The following SCMH1 variants were observed in gnomAD, a reference collection of about 807,000 sequenced individuals.
The protein encoded by SCMH1 is polycomb protein SCMH1.
A neutral mutation model predicts 70.8 loss-of-function variants in SCMH1; 37 were observed. That is an observed-to-expected ratio of 0.52 (90% confidence interval 0.40 to 0.69). The LOEUF (loss-of-function observed/expected upper bound fraction) is 0.69, where lower values mean the gene tolerates loss of function less well. Among genes scored for constraint, SCMH1 ranks in the 30% least tolerant of loss-of-function variants. SCMH1 has a pLI of 0.00. For synonymous variants in SCMH1, 292 were observed against 307.4 expected (o/e 0.95, Z 0.52); for missense variants, 607 against 827.3 (o/e 0.73, Z 3.27).
chr1:41,234,763 C>A (rs1300967606), intron 1 of SCMH1, among the ~76,000 whole-genome samples: 2 of 151,802 alleles, frequency 1.3e-5, no homozygotes, highest in Non-Finnish European at 2.9e-5. Context: ...CATGAGCCAC[C>A]GCGCCCGGCA....
chr1:41,219,019 GCTGGGGCTTTGAACCAGCCCAACCT>G (rs534487581), intron 1 of SCMH1, among the ~76,000 whole-genome samples: 1,955 of 152,292 alleles, frequency 0.013, 40 homozygotes, highest in African/African-American at 0.045. Flanking sequence ...TGATTAGAGG[GCTGGGGCTTTGAACCAGCCCAACCT>G]CTGGGGCAGG....
chr1:41,096,184 C>T (rs563193509), intron 8 of SCMH1, among the ~76,000 whole-genome samples: 8 of 152,172 alleles, frequency 5.3e-5, no homozygotes, highest in East Asian at 1.9e-4. Flanking sequence ...CAATTATTAA[C>T]GGAATGATTT....
intron 1 of SCMH1, among the ~76,000 whole-genome samples, chr1:41,209,441 G>A (rs187013120): frequency 4.6e-5 from 7 of 152,312 alleles, no homozygotes; most frequent in South Asian, 4.1e-4. Context: ...CAATATCCCC[G>A]ATGAACATCG....
At chr1:41,129,701 G>A (rs1410649600) in intron 6 of SCMH1, among the ~76,000 whole-genome samples, 1 of 152,124 alleles carries the variant, frequency 6.6e-6, no homozygotes, top group Non-Finnish European at 1.5e-5. Context: ...GCTAAACACG[G>A]GTATTCAAAT....
At chr1:41,076,395 G>A (rs1470144591) in intron 8 of SCMH1, among the ~76,000 whole-genome samples, 1 of 151,940 alleles carries the variant, frequency 6.6e-6, no homozygotes, top group Admixed American at 6.6e-5. Flanking sequence ...TTGAGGTAAG[G>A]GATATCTAAG....
intron 2 of SCMH1, among the ~76,000 whole-genome samples, chr1:41,167,063 A>C (rs553144634): frequency 1.3e-5 from 2 of 152,194 alleles, no homozygotes; most frequent in African/African-American, 2.4e-5. Flanking sequence ...AGGATGTTGA[A>C]TTTTGTCAAA....
At chr1:41,208,777 G>A (rs566995561) in intron 1 of SCMH1, among the ~76,000 whole-genome samples, 69 of 152,224 alleles carry the variant, frequency 4.5e-4, no homozygotes, top group Non-Finnish European at 9.1e-4. Flanking sequence ...GAGAAAGCAG[G>A]AATGATCTAA....
chr1:41,135,634 T>C (rs1196215366), intron 6 of SCMH1, among the ~76,000 whole-genome samples: 1 of 152,164 alleles, frequency 6.6e-6, no homozygotes, highest in African/African-American at 2.4e-5. Context: ...TATGTCCTTA[T>C]AGCAGCAGGA....
chr1:41,050,361 T>C (rs1347594302), intron 10 of SCMH1, among the ~76,000 whole-genome samples: 1 of 152,044 alleles, frequency 6.6e-6, no homozygotes, highest in Admixed American at 6.5e-5. Flanking sequence ...CTATTAAAGG[T>C]AGAAAAGATA....
chr1:41,194,147 T>A (rs1469377121), intron 1 of SCMH1, among the ~76,000 whole-genome samples: 1 of 152,206 alleles, frequency 6.6e-6, no homozygotes, highest in African/African-American at 2.4e-5. Context: ...CACATACTTT[T>A]AAGTAGTGTA....
chr1:41,114,568 T>C (rs1669981614), intron 7 of SCMH1, among the ~76,000 whole-genome samples: 1 of 151,334 alleles, frequency 6.6e-6, no homozygotes, highest in South Asian at 2.1e-4. Flanking sequence ...AACGAATTTA[T>C]AGATAAATTT....
At chr1:41,209,776 C>T (rs1053030634) in intron 1 of SCMH1, among the ~76,000 whole-genome samples, 1 of 152,206 alleles carries the variant, frequency 6.6e-6, no homozygotes, top group African/African-American at 2.4e-5. Flanking sequence ...AATGGGCCAA[C>T]ACTGGAAGCA....
chr1:41,223,322 T>C (rs1015469561), intron 1 of SCMH1, among the ~76,000 whole-genome samples: 3 of 152,204 alleles, frequency 2.0e-5, no homozygotes, highest in African/African-American at 7.2e-5. Flanking sequence ...GGTAATGCAA[T>C]TGATAACTGT....
chr1:41,028,855 C>G, intron 13 of SCMH1, 129 bp from the exon 15 acceptor site: 1 of 955,734 alleles, frequency 1.0e-6, no homozygotes. Flanking sequence ...AGCTGAGGAA[C>G]TGGAGATAGC....
chr1:41,156,500 G>A (rs987934673), intron 4 of SCMH1, among the ~76,000 whole-genome samples: 1 of 152,300 alleles, frequency 6.6e-6, no homozygotes. Flanking sequence ...GTACAGTGGT[G>A]TGAACACAGC....
intron 1 of SCMH1, among the ~76,000 whole-genome samples, chr1:41,235,383 C>T (rs1424805805): frequency 3.3e-5 from 5 of 151,212 alleles, no homozygotes. Flanking sequence ...CCAGCCTGAC[C>T]AACATGGTGA....
chr1:41,152,825 T>C (rs1039355869), intron 4 of SCMH1: 1 of 1,329,162 alleles, frequency 7.5e-7, no homozygotes, highest in Admixed American at 2.7e-5. Context: ...ATTTATTTTA[T>C]AGCTTCTGTT....
chr1:41,160,737 GAC>G (rs1645946255), intron 4 of SCMH1, 136 bp downstream of exon 4: 1 of 813,066 alleles, frequency 1.2e-6, no homozygotes. Flanking sequence ...TAATTAGGCA[GAC>G]AAGAGCACAG....
chr1:41,122,188 A>G (rs1672114306), intron 6 of SCMH1, among the ~76,000 whole-genome samples: 1 of 152,204 alleles, frequency 6.6e-6, no homozygotes, highest in Admixed American at 6.5e-5. Context: ...ATTCATGTTT[A>G]CAAGGCTTAC....
Sources: gnomAD v4.1 joint callset for allele counts (sites outside exome capture counted in the v4.1 genomes callset) on GRCh38, gnomAD v4.1.1 for gene constraint, MANE v1.5 for transcripts, NCBI Gene and HGNC (gene_info 2026-07-23, HGNC 2026-07-21) for gene names.